Variants in UGGT1 observed in about 807,000 individuals in gnomAD.
UGGT1 encodes the protein UDP-glucose glycoprotein glucosyltransferase 1.
Under a neutral mutation model 203.9 loss-of-function variants are expected in UGGT1, and 107 were observed. That is an observed-to-expected ratio of 0.52 (90% confidence interval 0.45 to 0.62). UGGT1 has a LOEUF of 0.62. Among genes scored for constraint, UGGT1 ranks in the 20% least tolerant of loss-of-function variants. UGGT1 has a pLI of 0.00. For synonymous variants in UGGT1, 628 were observed against 653.5 expected (o/e 0.96, Z 0.59); for missense variants, 1,673 against 1,867.2 (o/e 0.90, Z 1.92).
Position 128,112,454 on chromosome 2 carries a change from T to TTATATATATATATATATA in UGGT1, c.522-628_522-611dup, listed in dbSNP as rs59726004. Among the ~76,000 whole-genome samples the TTATATATATATATATATA allele has an allele frequency of 5.6e-3, 313 of 55,742 alleles. 37 individuals are homozygous for TTATATATATATATATATA. The highest frequency in any genetic ancestry group is 0.012 in the East Asian group (16 of 1,292). The allele number at this position is 55,742 out of a possible 152,430, so 36.6% of individuals were successfully genotyped here. A position where few individuals can be genotyped will look rare whatever the true frequency, so the allele number is the denominator to read the frequency against. On this transcript the variant is annotated intron_variant, in intron 5 of 40. Coordinates refer to ENST00000259253, the MANE Select transcript of UGGT1 (RefSeq NM_020120.4). The stretch of plus-strand genomic sequence containing the variant: ...AAAAAACCCCCCAAAAAATACTATG[T>TTATATATATATATATATA]TATATATATATATATATATTACATA...
At chr2:128,116,878 C>A (rs192593841) in intron 8 of UGGT1, among the ~76,000 whole-genome samples, 1 of 152,076 alleles carries the variant, frequency 6.6e-6, no homozygotes, top group East Asian at 1.9e-4. Context: ...AGTTTAAGTG[C>A]GTTTTTCTTG....
In UGGT1 at chr2:128,157,342, A is replaced by G. The variant is rs772997029; in HGVS notation, c.2351A>G (p.His784Arg). ...CAGTTACTGTATGATGCCATCAAAC[A>G]TCAGGCAAGTATCTATGACTTCATT... Reference protein sequence around the residue: ...GRQLLYDAIKHQKSSNNVRIS... With the variant: ...GRQLLYDAIKRQKSSNNVRIS... Residue 784 changes from histidine (H) to arginine (R), a missense_variant, in exon 22 of 41, where the codon CAT (histidine) becomes CGT (arginine). Physicochemically the swap from His to Arg is conservative, Grantham distance 29. Around this residue, in one of 4 missense-constraint regions of UGGT1, gnomAD observed 1,073 missense variants for 1,078.7 expected, o/e 0.99. Coordinates refer to ENST00000259253, the MANE Select transcript of UGGT1 (RefSeq NM_020120.4). 3.7e-6 allele frequency: 6 copies of G among 1,613,588 alleles called. No homozygotes were observed. In the Admixed American group the frequency reaches 5.0e-5, roughly 13 times the overall value.
chr2:128,109,805 G>C, intron 5 of UGGT1, 59 bp downstream of exon 5: 1 of 1,411,370 alleles, frequency 7.1e-7, no homozygotes, highest in Non-Finnish European at 1.0e-6. Context: ...TTCTGCATTT[G>C]GTCTACCTTC....
chr2:128,183,763 C>G lies in UGGT1; in HGVS notation c.4333C>G (p.Pro1445Ala). The stretch of plus-strand genomic sequence containing the variant: ...ACAGTACCAAGGTCTGAGTCAGGAC[C>G]CTAACAGCCTTTCAAATCTTGATCA... ...RGQYQGLSQD[P>A]NSLSNLDQDL... The change falls in exon 38 of 41, where the codon CCT (proline) becomes GCT (alanine). Residue 1445 changes from proline to alanine, a missense_variant. By Grantham distance (27) the Pro-to-Ala change is conservative (BLOSUM62 -1). Coordinates refer to ENST00000259253, the MANE Select transcript of UGGT1 (RefSeq NM_020120.4). 6.2e-7 allele frequency: 1 copy of G among 1,613,938 alleles called. No homozygotes were observed. Among genetic ancestry groups the G allele is most frequent in the Non-Finnish European group, 8.5e-7 (1 of 1,179,908 alleles).
chr2:128,153,394 T>A (rs1181999488), intron 19 of UGGT1, among the ~76,000 whole-genome samples: 1 of 151,940 alleles, frequency 6.6e-6, no homozygotes, highest in Non-Finnish European at 1.5e-5. Flanking sequence ...AATTCAATGG[T>A]TTTTTTAATG....
chr2:128,135,109 CA>C, intron 15 of UGGT1, 148 bp downstream of exon 15: 1 of 664,294 alleles, frequency 1.5e-6, no homozygotes, highest in Non-Finnish European at 2.6e-6. Context: ...AGTATGAAGC[CA>C]GTGTCTTTTG....
intron 12 of UGGT1, among the ~76,000 whole-genome samples, chr2:128,127,852 T>C (rs992608409): frequency 6.6e-6 from 1 of 152,126 alleles, no homozygotes; most frequent in African/African-American, 2.4e-5. Context: ...GGCCGGCGGA[T>C]CACTTGAGGT....
intron 22 of UGGT1, among the ~76,000 whole-genome samples, chr2:128,158,566 T>TAGAGTTCTTTTTCATTGTGG (rs1690362103): frequency 3.3e-5 from 5 of 152,274 alleles, no homozygotes; most frequent in Non-Finnish European, 7.3e-5. Context: ...TTCTGTAGTA[T>TAGAGTTCTTTTTCATTGTGG]TATATCATAT....
intron 13 of UGGT1, 43 bp downstream of exon 13, chr2:128,129,222 A>C: frequency 6.4e-7 from 1 of 1,562,070 alleles, no homozygotes; most frequent in Non-Finnish European, 8.6e-7. Flanking sequence ...TCTGACCAGG[A>C]ATCTTTTTTA....
intron 33 of UGGT1, 65 bp from the exon 34 acceptor site, chr2:128,178,403 C>A (rs2104807622): frequency 1.5e-6 from 2 of 1,369,836 alleles, no homozygotes; most frequent in East Asian, 2.3e-5. Flanking sequence ...TTTCCTCTTA[C>A]TTTCAAAGGC....
At chr2:128,188,697 C>T (rs1692113597) in intron 40 of UGGT1, among the ~76,000 whole-genome samples, 2 of 152,146 alleles carry the variant, frequency 1.3e-5, no homozygotes, top group South Asian at 2.1e-4. Flanking sequence ...ATAATCCTAG[C>T]CTCTCAGGAG....
At chr2:128,098,746 C>G (rs1273447141) in intron 2 of UGGT1, among the ~76,000 whole-genome samples, 1 of 130,992 alleles carries the variant, frequency 7.6e-6, no homozygotes, top group African/African-American at 3.0e-5. Flanking sequence ...AAGACTCCGT[C>G]TCAAAAAAAA....
At chr2:128,130,747 G>T (rs1330085054) in intron 13 of UGGT1, among the ~76,000 whole-genome samples, 1 of 151,916 alleles carries the variant, frequency 6.6e-6, no homozygotes, top group Non-Finnish European at 1.5e-5. Flanking sequence ...GCATTCCCTT[G>T]TCCCTTATTT....
At chr2:128,189,635 C>G (rs1692157525) in intron 40 of UGGT1, 82 bp from the exon 41 acceptor site, 2 of 1,395,912 alleles carry the variant, frequency 1.4e-6, no homozygotes. Flanking sequence ...GAATAGGTTC[C>G]AGTGATGAAA....
At chr2:128,159,783 C>A in intron 23 of UGGT1, 63 bp downstream of exon 23, 1 of 1,496,208 alleles carries the variant, frequency 6.7e-7, no homozygotes, top group Non-Finnish European at 9.2e-7. Context: ...TCACCCACTG[C>A]AGCTTACGTG....
intron 18 of UGGT1, among the ~76,000 whole-genome samples, chr2:128,149,986 A>G (rs1175049869): frequency 6.6e-6 from 1 of 152,172 alleles, no homozygotes; most frequent in African/African-American, 2.4e-5. Context: ...GTAAAATAAA[A>G]TAAACATTTA....
chr2:128,165,272 A>G (rs572421717), intron 26 of UGGT1, among the ~76,000 whole-genome samples: 20 of 152,290 alleles, frequency 1.3e-4, no homozygotes, highest in Admixed American at 4.6e-4. Flanking sequence ...AAAATTTTAA[A>G]ACATTAGCTG....
intron 28 of UGGT1, among the ~76,000 whole-genome samples, chr2:128,171,838 A>G (rs956632129): frequency 2.0e-5 from 3 of 152,136 alleles, no homozygotes; most frequent in Non-Finnish European, 2.9e-5. Context: ...AAAGAAGAAT[A>G]TTCATTTCAA....
intron 26 of UGGT1, among the ~76,000 whole-genome samples, chr2:128,167,138 C>T (rs1690836093): frequency 6.6e-6 from 1 of 152,178 alleles, no homozygotes; most frequent in Admixed American, 6.5e-5. Flanking sequence ...GGAAGTAACT[C>T]ATTAGTCACC....
Sources: allele counts gnomAD v4.1 joint callset (sites outside exome capture counted in the v4.1 genomes callset), GRCh38; gene constraint gnomAD v4.1.1; regional missense constraint gnomAD v4.1.1; transcripts MANE v1.5; gene names NCBI Gene and HGNC (gene_info 2026-07-23, HGNC 2026-07-21).